The following MLLT1 variants were observed in gnomAD, a reference collection of about 807,000 sequenced individuals.
MLLT1 encodes MLLT1 super elongation complex subunit, also known as protein ENL.
Under a neutral mutation model 55.1 loss-of-function variants are expected in MLLT1, and 11 were observed. The observed-to-expected ratio is 0.20, with a 90% CI of 0.13 to 0.33. The LOEUF (loss-of-function observed/expected upper bound fraction) is 0.33. Ranked by LOEUF, MLLT1 falls within the 10% of genes least tolerant of loss-of-function variation. MLLT1 has a pLI of 1.00. For missense variants in MLLT1, 536 were observed against 760.6 expected, an observed-to-expected ratio of 0.70 and a Z score of 3.47; for synonymous variants, 323 against 320.1, an observed-to-expected ratio of 1.01 and a Z score of -0.10.
At chr19:6,213,697 T>G in intron 10 of MLLT1, 29 bp downstream of exon 10, 2 of 416,982 alleles carry the variant, frequency 4.8e-6, no homozygotes, top group Non-Finnish European at 7.5e-6. Context: ...CTCCGTAGCC[T>G]CCCCGCCTTG....
At chr19:6,217,402 C>T (rs1275373109) in intron 7 of MLLT1, among the ~76,000 whole-genome samples, 1 of 152,214 alleles carries the variant, frequency 6.6e-6, no homozygotes, top group East Asian at 1.9e-4. Context: ...CCACTGTGTC[C>T]TGCAGGCTGC....
intron 3 of MLLT1, among the ~76,000 whole-genome samples, chr19:6,241,621 G>A (rs550345849): frequency 2.6e-5 from 4 of 152,326 alleles, no homozygotes; most frequent in African/African-American, 7.2e-5. Context: ...CGTGGCGGGC[G>A]CAGGGTTGCG....
At chr19:6,220,073 G>A (rs1353815948) in intron 6 of MLLT1, among the ~76,000 whole-genome samples, 1 of 152,246 alleles carries the variant, frequency 6.6e-6, no homozygotes, top group African/African-American at 2.4e-5. Flanking sequence ...GCAGCAGCTG[G>A]AGGACGTGGG....
intron 3 of MLLT1, among the ~76,000 whole-genome samples, chr19:6,254,881 G>A (rs2091245898): frequency 6.7e-6 from 1 of 150,282 alleles, no homozygotes; most frequent in African/African-American, 2.5e-5. Context: ...AAAAGACTTT[G>A]ACGAAAGACA....
chr19:6,225,040 T>A (rs2090941712), intron 5 of MLLT1, among the ~76,000 whole-genome samples: 1 of 152,342 alleles, frequency 6.6e-6, no homozygotes, highest in South Asian at 2.1e-4. Flanking sequence ...AAATCACGTT[T>A]GCAAGGTTGT....
chr19:6,266,480 A>G (rs1412762236), intron 2 of MLLT1, among the ~76,000 whole-genome samples: 1 of 152,106 alleles, frequency 6.6e-6, no homozygotes, highest in African/African-American at 2.4e-5. Context: ...TTTTTGAGAC[A>G]GAGTTTCTCT....
chr19:6,226,645 C>T lies in MLLT1; in HGVS notation c.546+332G>A, dbSNP rs536402050. ...GCCTAGACAGAGACACTCTACCCAG[C>T]GGCCGCCCCAACAGCCTTCGGCGAA... is the stretch of plus-strand genomic sequence containing the variant. On this transcript the variant is annotated intron_variant, in intron 5 of 11. Coordinates refer to ENST00000252674, the MANE Select transcript of MLLT1 (RefSeq NM_005934.4). The surrounding 1 kb of genome is among the most constrained non-coding windows in gnomAD (Gnocchi z 6.3). 4.7e-4 allele frequency among the ~76,000 whole-genome samples: 72 copies of T among 152,270 alleles called. No individual in the cohort carries two copies. Among genetic ancestry groups the T allele is most frequent in the African/African-American group, 1.6e-3 (67 of 41,578 alleles).
At chr19:6,261,776 G>A (rs903867923) in intron 3 of MLLT1, among the ~76,000 whole-genome samples, 3 of 152,046 alleles carry the variant, frequency 2.0e-5, no homozygotes, top group African/African-American at 7.2e-5. Flanking sequence ...TATTATATAT[G>A]TAGCTTGCTT....
In MLLT1 at chr19:6,217,886, C is replaced by T. The variant is rs1483195356; in HGVS notation, c.1198+68G>A. 7 of 1,530,596 alleles carry T rather than the reference C, an allele frequency of 4.6e-6. No homozygotes were observed. The South Asian group carries it at 5.1e-5, about 11-fold the overall frequency. 94.8% of individuals were successfully genotyped at this position (1,530,596 alleles called of 1,614,324 possible). On this transcript the variant is annotated intron_variant, in intron 7 of 11. Transcript: ENST00000252674. ...TGCAGGCAGTGGACGCTGAGGAATG[C>T]CCATGTGGCCTGAGCTCCAGGCCCT...
intron 3 of MLLT1, among the ~76,000 whole-genome samples, chr19:6,251,021 T>C (rs1194435812): frequency 6.6e-6 from 1 of 152,096 alleles, no homozygotes; most frequent in Non-Finnish European, 1.5e-5. Flanking sequence ...ACTCCATTTA[T>C]ATGAAACTGC....
chr19:6,247,050 C>T (rs1319536249), intron 3 of MLLT1, among the ~76,000 whole-genome samples: 2 of 152,162 alleles, frequency 1.3e-5, no homozygotes, highest in Non-Finnish European at 2.9e-5. Context: ...CAGGTTTCCC[C>T]CTTCAGAGAC....
At position 6,270,672 on chromosome 19, in the gene MLLT1, C is replaced by T; in HGVS notation, c.100G>A (p.Val34Met). Residue 34 changes from valine (V) to methionine (M), a missense_variant, in exon 2 of 12, where the codon GTG becomes ATG. By Grantham distance (21) the Val-to-Met change is conservative (BLOSUM62 1). Transcript: ENST00000252674. The surrounding 1 kb of genome is among the most constrained non-coding windows in gnomAD (Gnocchi z 7.1). ...CATTGCTCGGGGCCGCGGACAAACA[C>T]CATCCAGTCGTGAGTGAACCCCTCC... ...TTEGFTHDWMVFVRGPEQCDI... is the reference protein window; with the variant it reads ...TTEGFTHDWMMFVRGPEQCDI... The T allele has an allele frequency of 6.2e-7, 1 of 1,614,196 alleles. No homozygotes were observed. Among genetic ancestry groups the T allele is most frequent in the Non-Finnish European group, 8.5e-7 (1 of 1,180,032 alleles).
chr19:6,239,691 CACAA>C (rs373036723), intron 3 of MLLT1, among the ~76,000 whole-genome samples: 6 of 152,050 alleles, frequency 3.9e-5, no homozygotes, highest in African/African-American at 7.2e-5. Flanking sequence ...CAAACACACA[CACAA>C]ACACACCCGT....
intron 8 of MLLT1, among the ~76,000 whole-genome samples, chr19:6,214,441 C>T (rs1055555641): frequency 3.9e-5 from 6 of 152,182 alleles, no homozygotes; most frequent in East Asian, 1.9e-4. Flanking sequence ...CATGGCCGCC[C>T]GTCCCTCCGA....
Position 6,262,366 on chromosome 19 carries a change from C to A in MLLT1, c.194-56G>T, listed in dbSNP as rs575619862. On this transcript the variant is annotated intron_variant, in intron 2 of 11. Transcript: ENST00000252674. The surrounding 1 kb of genome is among the most constrained non-coding windows in gnomAD (Gnocchi z 4.4). ...AGCCTCCTGCCTGTTTCAGGCCCAGCTGCCAGCGGCAGTACCGCACCCCTC... is the reference window on the plus strand; with the variant it reads ...AGCCTCCTGCCTGTTTCAGGCCCAGATGCCAGCGGCAGTACCGCACCCCTC... The A allele has an allele frequency of 1.3e-6, 2 of 1,492,412 alleles. No individual in the cohort carries two copies. The highest frequency in any genetic ancestry group is 2.7e-5 in the African/African-American group (2 of 72,740). 92.4% of individuals were successfully genotyped at this position (1,492,412 alleles called of 1,614,324 possible).
rs912388513 is a variant in MLLT1 at position 6,270,835 on chromosome 19, A to C, written c.13-76T>G. Reference sequence around the variant, plus strand: ...GGGACTGTCCCCTTACCCACAGAGAACTTTCGATAAAGACCCCCAGCAGTG... The same window carrying C: ...GGGACTGTCCCCTTACCCACAGAGACCTTTCGATAAAGACCCCCAGCAGTG... On this transcript the variant is annotated intron_variant, in intron 1 of 11. Coordinates refer to ENST00000252674, the MANE Select transcript of MLLT1 (RefSeq NM_005934.4). This position sits in a 1 kb window ranked among gnomAD's most constrained non-coding sequence, Gnocchi z 7.1. 2.8e-6 allele frequency: 4 copies of C among 1,416,026 alleles called. No individual in the cohort carries two copies. The African/African-American group carries it at 5.7e-5, about 20-fold the overall frequency. 87.7% of individuals were successfully genotyped at this position (1,416,026 alleles called of 1,614,324 possible). A position where few individuals can be genotyped will look rare whatever the true frequency, so the allele number is the denominator to read the frequency against.
chr19:6,275,465 C>T (rs936551517), intron 1 of MLLT1, among the ~76,000 whole-genome samples: 2 of 152,188 alleles, frequency 1.3e-5, no homozygotes, highest in Admixed American at 6.5e-5. Flanking sequence ...AAACCCCCTG[C>T]GGAATCTTCT....
intron 3 of MLLT1, among the ~76,000 whole-genome samples, chr19:6,253,302 A>G: frequency 6.9e-6 from 1 of 144,690 alleles, no homozygotes; most frequent in Non-Finnish European, 1.5e-5. Context: ...AAAGAAGTGG[A>G]GAATCTCAAC....
At position 6,231,022 on chromosome 19, in the gene MLLT1, G is replaced by A. The variant is rs959233591; in HGVS notation, c.277-309C>T. 1.9e-4 allele frequency among the ~76,000 whole-genome samples: 29 copies of A among 152,210 alleles called. No homozygotes were observed. Among genetic ancestry groups the A allele is most frequent in the African/African-American group, 7.0e-4 (29 of 41,448 alleles). On this transcript the variant is annotated intron_variant, in intron 3 of 11. Transcript: ENST00000252674. The surrounding 1 kb of genome is among the most constrained non-coding windows in gnomAD (Gnocchi z 5.1). ...CCTCACAGCGCCACTGACAGACAGGGAAACCGACGCACAGACACCAACTAA... is the reference window on the plus strand; with the variant it reads ...CCTCACAGCGCCACTGACAGACAGGAAAACCGACGCACAGACACCAACTAA...
Sources: gnomAD v4.1 joint callset for allele counts (sites outside exome capture counted in the v4.1 genomes callset) on GRCh38, gnomAD v4.1.1 for gene constraint, Gnocchi (gnomAD v3.1) non-coding constraint, MANE v1.5 for transcripts, NCBI Gene and HGNC (gene_info 2026-07-23, HGNC 2026-07-21) for gene names.